Variants in PPTC7 observed in about 807,000 individuals in gnomAD.
The protein encoded by PPTC7 is protein phosphatase PTC7 homolog.
PPTC7 carries 6 observed loss-of-function variants against 30.8 expected under a neutral mutation model. The ratio of observed to expected loss-of-function variants is 0.19; its 90% CI spans 0.11 to 0.38. The LOEUF is 0.38. Ranked by LOEUF, PPTC7 falls within the 10% of genes least tolerant of loss-of-function variation. The pLI is 1.00. For synonymous variants in PPTC7, 163 were observed against 168.1 expected (o/e 0.97, Z 0.23); for missense variants, 218 against 404.8 (o/e 0.54, Z 3.96).
At position 110,536,719 on chromosome 12, in the gene PPTC7, A is replaced by G. The variant is rs2064220980; in HGVS notation, c.*318T>C. The G allele has an allele frequency of 3.3e-6, 1 of 300,470 alleles. No individual in the cohort carries two copies. Among genetic ancestry groups the G allele is most frequent in the East Asian group, 6.1e-5 (1 of 16,362 alleles). 18.6% of individuals were successfully genotyped at this position (300,470 alleles called of 1,614,324 possible). ...CACTTTACCAACATTACTCATTTTC[A>G]ATACTTCAACTACTTTGAAAAGTAA... On this transcript the variant is annotated 3_prime_UTR_variant, in exon 6 of 6. Transcript: ENST00000354300.
At chr12:110,570,173 A>G (rs1469895958) in intron 1 of PPTC7, among the ~76,000 whole-genome samples, 1 of 149,036 alleles carries the variant, frequency 6.7e-6, no homozygotes, top group Non-Finnish European at 1.5e-5. Context: ...CCTTACCCCC[A>G]ACCCCATGCT....
At chr12:110,558,012 TGG>T (rs1330170608) in intron 1 of PPTC7, among the ~76,000 whole-genome samples, 2 of 152,234 alleles carry the variant, frequency 1.3e-5, no homozygotes, top group Non-Finnish European at 2.9e-5. Context: ...GAAATTTGAG[TGG>T]GGACAATGCC....
chr12:110,546,203 T>G lies in PPTC7; in HGVS notation c.404-125A>C. The G allele has an allele frequency of 2.8e-6, 2 of 716,112 alleles. 1 individual carries two copies. The highest frequency in any genetic ancestry group is 3.5e-5 in the African/African-American group (2 of 56,922). 44.4% of individuals were successfully genotyped at this position (716,112 alleles called of 1,614,324 possible). ...ATCTCCTTTGCCTAAACAGGACCTT[T>G]CTTAGTTATGCTCCACATCCTCTAC... On this transcript the variant is annotated intron_variant, in intron 2 of 5. Coordinates refer to ENST00000354300, the MANE Select transcript of PPTC7 (RefSeq NM_139283.2).
In PPTC7 at chr12:110,534,056, T is replaced by C. The variant is rs903104065; in HGVS notation, c.*2981A>G. The C allele has an allele frequency of 6.6e-5, 10 of 152,086 alleles. No individual in the cohort carries two copies. The highest frequency in any genetic ancestry group is 1.2e-4 in the Non-Finnish European group (8 of 68,000). The allele number at this position is 152,086 out of a possible 1,614,324, so 9.4% of individuals were successfully genotyped here. Reference sequence around the variant, plus strand: ...ACAGTAACTCAGGACAAATAACTTGTTCCCCCTGCATCCCATTTCTTTTAG... The same window carrying C: ...ACAGTAACTCAGGACAAATAACTTGCTCCCCCTGCATCCCATTTCTTTTAG... On this transcript the variant is annotated 3_prime_UTR_variant, in exon 6 of 6. Transcript: ENST00000354300.
intron 1 of PPTC7, among the ~76,000 whole-genome samples, chr12:110,570,802 C>A (rs1235889448): frequency 6.6e-6 from 1 of 150,436 alleles, no homozygotes; most frequent in Admixed American, 6.7e-5. Flanking sequence ...GACACATCCC[C>A]CTCTTTGAGA....
At chr12:110,548,221 TACAC>T (rs1392582299) in intron 2 of PPTC7, among the ~76,000 whole-genome samples, 1 of 152,084 alleles carries the variant, frequency 6.6e-6, no homozygotes, top group Non-Finnish European at 1.5e-5. Flanking sequence ...TATGCACACA[TACAC>T]ACAGAAAAAA....
At chr12:110,567,865 G>C (rs1174936648) in intron 1 of PPTC7, among the ~76,000 whole-genome samples, 1 of 152,130 alleles carries the variant, frequency 6.6e-6, no homozygotes, top group African/African-American at 2.4e-5. Flanking sequence ...TTGTAGCTTG[G>C]AGACAAGGGT....
In PPTC7 at chr12:110,535,213, G is replaced by A. The variant is rs748770819; in HGVS notation, c.*1824C>T. The A allele has an allele frequency of 3.5e-5, 4 of 115,368 alleles. No individual in the cohort carries two copies. The highest frequency in any genetic ancestry group is 1.3e-4 in the African/African-American group (4 of 29,918). The allele number at this position is 115,368 out of a possible 1,614,324, so 7.1% of individuals were successfully genotyped here. A position where few individuals can be genotyped will look rare whatever the true frequency, so the allele number is the denominator to read the frequency against. ...CCAGACCCCCCACCCCGCCCCCACCGCGTCTACCAAAGAATTCTGTTTTGT... is the reference window on the plus strand; with the variant it reads ...CCAGACCCCCCACCCCGCCCCCACCACGTCTACCAAAGAATTCTGTTTTGT... On this transcript the variant is annotated 3_prime_UTR_variant, in exon 6 of 6. Transcript: ENST00000354300.
chr12:110,553,275 G>A (rs35687273), intron 1 of PPTC7, among the ~76,000 whole-genome samples: 3,708 of 151,420 alleles, frequency 0.024, 130 homozygotes, highest in African/African-American at 0.079. Flanking sequence ...TCAGCCTCCC[G>A]AGTAGCTGAG....
chr12:110,537,855 C>T (rs1031022216), intron 5 of PPTC7, among the ~76,000 whole-genome samples: 4 of 152,186 alleles, frequency 2.6e-5, no homozygotes, highest in African/African-American at 7.2e-5. Context: ...GGGCAGAGCT[C>T]GGAAGCCTTT....
intron 2 of PPTC7, among the ~76,000 whole-genome samples, chr12:110,551,153 T>A (rs549369207): frequency 1.3e-5 from 2 of 152,222 alleles, no homozygotes; most frequent in Admixed American, 6.5e-5. Context: ...TGGCAACATT[T>A]TGAGAACATT....
chr12:110,569,344 A>C (rs1187364940), intron 1 of PPTC7, among the ~76,000 whole-genome samples: 1 of 152,174 alleles, frequency 6.6e-6, no homozygotes, highest in African/African-American at 2.4e-5. Flanking sequence ...AAAAATAAAA[A>C]GTAAAAATAA....
rs549369207 is a variant in PPTC7 at position 110,551,153 on chromosome 12, T to C, written c.403+636A>G. ...CCAGTTCTCTGCTATTGGCAACATT[T>C]TGAGAACATTCTCATACCTATCTTT... On this transcript the variant is annotated intron_variant, in intron 2 of 5. Coordinates refer to ENST00000354300, the MANE Select transcript of PPTC7 (RefSeq NM_139283.2). Among the ~76,000 whole-genome samples, 16 of 152,340 alleles carry C rather than the reference T, an allele frequency of 1.1e-4. No individual in the cohort carries two copies. The South Asian group carries it at 2.3e-3, about 22-fold the overall frequency.
At chr12:110,555,258 T>C (rs2064376794) in intron 1 of PPTC7, among the ~76,000 whole-genome samples, 1 of 152,188 alleles carries the variant, frequency 6.6e-6, no homozygotes, top group South Asian at 2.1e-4. Flanking sequence ...GGACAGCAAC[T>C]TTCCCCACCT....
At chr12:110,579,767 G>C (rs1277280225) in intron 1 of PPTC7, among the ~76,000 whole-genome samples, 1 of 152,106 alleles carries the variant, frequency 6.6e-6, no homozygotes, top group East Asian at 1.9e-4. Context: ...AATCCCAGCA[G>C]TTTGGGAGGC....
chr12:110,545,829 T>C, intron 3 of PPTC7, 51 bp downstream of exon 3: 1 of 1,557,310 alleles, frequency 6.4e-7, no homozygotes, highest in Non-Finnish European at 8.8e-7. Flanking sequence ...AGGAGGGGAC[T>C]ATGAATGAGC....
At chr12:110,565,856 TA>T (rs1242328559) in intron 1 of PPTC7, among the ~76,000 whole-genome samples, 1 of 151,826 alleles carries the variant, frequency 6.6e-6, no homozygotes, top group Non-Finnish European at 1.5e-5. Flanking sequence ...TATGCACCAA[TA>T]AAAACAAAAG....
rs1344434357 is a variant in PPTC7, at chr12:110,546,090, AATC to A, written c.404-15_404-13del. 1.2e-6 allele frequency: 2 copies of A among 1,610,890 alleles called. No individual in the cohort carries two copies. Among genetic ancestry groups the A allele is most frequent in the Non-Finnish European group, 1.7e-6 (2 of 1,177,960 alleles). ...GGCGGTGCTGCTACCTAGAAACAAA[AATC>A]ATCTCCATTTATTTTTTCTTCCTAG... On this transcript the variant is annotated splice_polypyrimidine_tract_variant and intron_variant, in intron 2 of 5. Coordinates refer to ENST00000354300, the MANE Select transcript of PPTC7 (RefSeq NM_139283.2).
chr12:110,581,291 A>T (rs1290314141), intron 1 of PPTC7, among the ~76,000 whole-genome samples: 2 of 152,018 alleles, frequency 1.3e-5, no homozygotes, highest in African/African-American at 4.8e-5. Context: ...ATGGGCGCCT[A>T]TAATCCCAGC....
Sources: allele counts gnomAD v4.1 joint callset (sites outside exome capture counted in the v4.1 genomes callset), GRCh38; gene constraint gnomAD v4.1.1; transcripts MANE v1.5; gene names NCBI Gene and HGNC (gene_info 2026-07-23, HGNC 2026-07-21).